Variants in ASIC2 observed in about 807,000 individuals in gnomAD.
The protein encoded by ASIC2 is acid sensing ion channel subunit 2, also known as acid-sensing ion channel 2.
In ASIC2, 25 loss-of-function variants were observed where a neutral mutation model predicts 57.3. The observed-to-expected ratio is 0.44, with a 90% confidence interval of 0.32 to 0.61. The LOEUF (loss-of-function observed/expected upper bound fraction) is 0.61. Among genes scored for constraint, ASIC2 ranks in the 20% least tolerant of loss-of-function variants. The pLI is 0.06. For synonymous variants in ASIC2, 319 were observed against 307.5 expected, an observed-to-expected ratio of 1.04 and a Z score of -0.39; for missense variants, 641 against 738.1, an observed-to-expected ratio of 0.87 and a Z score of 1.52.
intron 2 of ASIC2, among the ~76,000 whole-genome samples, chr17:33,092,138 C>T (rs1372700634): frequency 6.6e-6 from 1 of 152,188 alleles, no homozygotes; most frequent in African/African-American, 2.4e-5. Context: ...GGGTTCCGAG[C>T]AGCAGATCAG....
At chr17:34,026,008 G>A (rs1907365118) in intron 1 of ASIC2, among the ~76,000 whole-genome samples, 1 of 152,184 alleles carries the variant, frequency 6.6e-6, no homozygotes, top group South Asian at 2.1e-4. Context: ...GGTATGGTGG[G>A]TTTAATCTCA....
At chr17:33,835,766 C>T (rs1913254999) in intron 1 of ASIC2, among the ~76,000 whole-genome samples, 1 of 151,938 alleles carries the variant, frequency 6.6e-6, no homozygotes, top group Non-Finnish European at 1.5e-5. Context: ...CACTATTTTC[C>T]AGGTCCTGTA....
chr17:33,028,251 G>A lies in ASIC2; in HGVS notation c.1129C>T (p.His377Tyr). Residue 377 changes from histidine to tyrosine, a missense_variant, in exon 4 of 10, where the codon CAC becomes TAC. Physicochemically the swap from His to Tyr is moderately conservative, Grantham distance 83. Coordinates refer to ENST00000225823, the MANE Select transcript of ASIC2 (RefSeq NM_183377.2). ...IVENCNCRMV[H>Y]MPGDAPFCTP... ...CTGCCCTGGCACTGACCTGGCATGT[G>A]AACCATGCGGCAGTTGCAGTTTTCC... 1 of 1,614,048 alleles carries A rather than the reference G, an allele frequency of 6.2e-7. No individual in the cohort carries two copies. The highest frequency in any genetic ancestry group is 8.5e-7 in the Non-Finnish European group (1 of 1,180,030).
In ASIC2 at chr17:33,330,900, A is replaced by T. The variant is rs528941219; in HGVS notation, c.556-218833T>A. ...TTTGCAGGCAGTTCAGGACAGAAAC[A>T]AACATTAAGATCCAGGTATTGTGCT... is the stretch of plus-strand genomic sequence containing the variant. On this transcript the variant is annotated intron_variant, in intron 1 of 9. Transcript: ENST00000359872. Among the ~76,000 whole-genome samples the T allele has an allele frequency of 3.9e-5, 6 of 152,234 alleles. No individual in the cohort carries two copies. In the East Asian group the frequency reaches 1.2e-3, roughly 29 times the overall value.
intron 4 of ASIC2, among the ~76,000 whole-genome samples, chr17:33,026,986 A>G (rs1410162283): frequency 6.6e-6 from 1 of 152,136 alleles, no homozygotes; most frequent in African/African-American, 2.4e-5. Flanking sequence ...ATACAAATTT[A>G]TTATTATGTT....
intron 1 of ASIC2, among the ~76,000 whole-genome samples, chr17:33,584,081 C>T (rs965459256): frequency 4.6e-5 from 7 of 152,054 alleles, no homozygotes; most frequent in African/African-American, 1.2e-4. Flanking sequence ...TTCATAAAAC[C>T]GATTTATTTT....
At chr17:34,033,441 C>T (rs1907714260) in intron 1 of ASIC2, among the ~76,000 whole-genome samples, 1 of 151,922 alleles carries the variant, frequency 6.6e-6, no homozygotes, top group African/African-American at 2.4e-5. Context: ...ATCCTAACAC[C>T]ACAATTAAAA....
chr17:33,806,541 G>A (rs753298366), intron 1 of ASIC2, among the ~76,000 whole-genome samples: 4 of 152,200 alleles, frequency 2.6e-5, no homozygotes, highest in Non-Finnish European at 5.9e-5. Context: ...ATTGTAACAT[G>A]TTAAGGAGCC....
intron 1 of ASIC2, among the ~76,000 whole-genome samples, chr17:33,440,349 C>T (rs966039787): frequency 6.6e-6 from 1 of 152,212 alleles, no homozygotes. Flanking sequence ...TACATGTATA[C>T]ACCATGTTTT....
intron 1 of ASIC2, among the ~76,000 whole-genome samples, chr17:33,339,887 A>T (rs1039832390): frequency 3.3e-5 from 5 of 152,166 alleles, no homozygotes; most frequent in Admixed American, 2.0e-4. Flanking sequence ...GTCATTTGTT[A>T]GCAAAATCCA....
intron 1 of ASIC2, chr17:34,082,347 T>C (rs960545987): frequency 5.9e-5 from 9 of 152,214 alleles, no homozygotes; most frequent in African/African-American, 1.9e-4. Context: ...CCACCTTTTA[T>C]TTTGCCAGGT....
intron 1 of ASIC2, among the ~76,000 whole-genome samples, chr17:34,150,789 G>A (rs1598048685): frequency 1.3e-5 from 2 of 152,136 alleles, no homozygotes; most frequent in Non-Finnish European, 2.9e-5. Flanking sequence ...GGATGACTAG[G>A]ATTTAGATAA....
chr17:33,904,182 A>AT (rs1555571111), intron 1 of ASIC2, among the ~76,000 whole-genome samples: 10 of 151,180 alleles, frequency 6.6e-5, no homozygotes, highest in Non-Finnish European at 1.3e-4. Flanking sequence ...AAAAAAAAAA[A>AT]AAAAAGAATT....
chr17:34,064,640 A>G (rs1909099319), intron 1 of ASIC2, among the ~76,000 whole-genome samples: 1 of 152,170 alleles, frequency 6.6e-6, no homozygotes, highest in Admixed American at 6.5e-5. Context: ...CTGACAAATA[A>G]CTAATATCCA....
At chr17:33,037,734 A>G (rs979920466) in intron 3 of ASIC2, among the ~76,000 whole-genome samples, 1 of 152,204 alleles carries the variant, frequency 6.6e-6, no homozygotes. Flanking sequence ...GATGATAATA[A>G]CGTTTATTTT....
intron 1 of ASIC2, among the ~76,000 whole-genome samples, chr17:33,649,607 C>T (rs1009376628): frequency 1.3e-5 from 2 of 152,166 alleles, no homozygotes; most frequent in African/African-American, 4.8e-5. Context: ...TGGTAGCAAT[C>T]AGTCTTCTGA....
chr17:33,991,477 C>A (rs1201253868), intron 1 of ASIC2, among the ~76,000 whole-genome samples: 1 of 152,184 alleles, frequency 6.6e-6, no homozygotes, highest in Non-Finnish European at 1.5e-5. Context: ...CATACAAATA[C>A]TCCTAAATTG....
intron 1 of ASIC2, among the ~76,000 whole-genome samples, chr17:33,486,380 G>T (rs1455841816): frequency 6.6e-6 from 1 of 152,164 alleles, no homozygotes; most frequent in Non-Finnish European, 1.5e-5. Context: ...AGGCAATCTG[G>T]CTTCAGAGTC....
At chr17:33,751,273 A>C (rs1910422871) in intron 1 of ASIC2, among the ~76,000 whole-genome samples, 2 of 152,162 alleles carry the variant, frequency 1.3e-5, no homozygotes, top group African/African-American at 4.8e-5. Flanking sequence ...ACAGATCTGC[A>C]GCCGCCCTGA....
Sources: gnomAD v4.1 joint callset for allele counts (sites outside exome capture counted in the v4.1 genomes callset) on GRCh38, gnomAD v4.1.1 for gene constraint, MANE v1.5 for transcripts, NCBI Gene and HGNC (gene_info 2026-07-23, HGNC 2026-07-21) for gene names.